The following ASPH variants were observed in gnomAD, a reference collection of about 807,000 sequenced individuals.
The protein encoded by ASPH is aspartate beta-hydroxylase.
ASPH carries 100 observed loss-of-function variants against 118.4 expected under a neutral mutation model. The observed-to-expected ratio is 0.84, with a 90% CI of 0.72 to 1.00. ASPH has a LOEUF of 1.00. Among genes scored for constraint, ASPH ranks in the 50% least tolerant of loss-of-function variants. The pLI is 0.00. For missense variants in ASPH, 920 were observed against 919.5 expected (o/e 1.00, Z -0.01); for synonymous variants, 315 against 325.6 (o/e 0.97, Z 0.35).
At chr8:61,664,328 GA>G (rs978820911) in intron 3 of ASPH, 16 of 972,704 alleles carry the variant, frequency 1.6e-5, no homozygotes, top group South Asian at 9.5e-5. Context: ...CAAAATAATG[GA>G]AAAAAAGTGT....
intron 18 of ASPH, among the ~76,000 whole-genome samples, chr8:61,558,180 G>A (rs939534549): frequency 1.3e-5 from 2 of 152,150 alleles, no homozygotes; most frequent in Admixed American, 6.5e-5. Flanking sequence ...AGATAGGCAC[G>A]AAGCATGCAG....
At chr8:61,540,620 T>C (rs943716381) in intron 21 of ASPH, among the ~76,000 whole-genome samples, 16 of 152,230 alleles carry the variant, frequency 1.1e-4, no homozygotes, top group Non-Finnish European at 2.4e-4. Flanking sequence ...GGTATTTCTT[T>C]ATAGCGATGC....
chr8:61,575,778 A>G (rs896697407), intron 16 of ASPH, among the ~76,000 whole-genome samples: 4 of 152,198 alleles, frequency 2.6e-5, no homozygotes, highest in African/African-American at 9.6e-5. Context: ...GCCAGTGCTC[A>G]GCCAGGAGAA....
At chr8:61,665,022 T>C (rs1454407915) in intron 3 of ASPH, 7 of 1,261,684 alleles carry the variant, frequency 5.5e-6, no homozygotes, top group Non-Finnish European at 7.0e-6. Flanking sequence ...GATCAATAAA[T>C]AGAAGTTATT....
intron 22 of ASPH, among the ~76,000 whole-genome samples, chr8:61,521,033 G>A (rs551150286): frequency 8.5e-5 from 13 of 152,208 alleles, no homozygotes; most frequent in African/African-American, 2.6e-4. Flanking sequence ...AACTCTTCAC[G>A]TCTGATCATG....
intron 16 of ASPH, among the ~76,000 whole-genome samples, chr8:61,575,105 G>A (rs1834705374): frequency 6.6e-6 from 1 of 152,114 alleles, no homozygotes; most frequent in Non-Finnish European, 1.5e-5. Context: ...TGTCTCCCCA[G>A]AGAGACCTTT....
intron 8 of ASPH, among the ~76,000 whole-genome samples, chr8:61,643,658 T>C (rs996991899): frequency 1.3e-5 from 2 of 152,244 alleles, no homozygotes; most frequent in Non-Finnish European, 2.9e-5. Flanking sequence ...GACTTTATAG[T>C]ACATCATACT....
chr8:61,663,412 T>TGGTC, intron 3 of ASPH: 1 of 985,306 alleles, frequency 1.0e-6, no homozygotes, highest in East Asian at 1.1e-4. Flanking sequence ...AACTAGAGAC[T>TGGTC]GGTCTGGAGC....
intron 1 of ASPH, among the ~76,000 whole-genome samples, chr8:61,688,032 G>C (rs997263505): frequency 2.6e-5 from 4 of 152,110 alleles, no homozygotes; most frequent in Non-Finnish European, 5.9e-5. Flanking sequence ...TAAATATGCT[G>C]TGCCTAGTCC....
intron 13 of ASPH, among the ~76,000 whole-genome samples, chr8:61,620,147 A>G (rs1167226370): frequency 1.3e-5 from 2 of 152,258 alleles, no homozygotes; most frequent in African/African-American, 2.4e-5. Context: ...GAGACTCTAC[A>G]TAAGAGGAAG....
chr8:61,623,932 CAT>C (rs1257264960), intron 13 of ASPH: 1 of 152,198 alleles, frequency 6.6e-6, no homozygotes, highest in African/African-American at 2.4e-5. Flanking sequence ...ATAAACATCA[CAT>C]GTTCTCACTA....
Position 61,628,323 on chromosome 8 carries a change from C to CTTTTTTTTTTTT in ASPH, c.934+5348_934+5359dup, listed in dbSNP as rs398008041. The CTTTTTTTTTTTT allele has an allele frequency of 6.2e-5, 11 of 178,002 alleles. No homozygotes were observed. In the African/African-American group the frequency reaches 6.3e-4, roughly 10 times the overall value. The allele number at this position is 178,002 out of a possible 1,614,324, so 11.0% of individuals were successfully genotyped here. On this transcript the variant is annotated intron_variant, in intron 13 of 24. Coordinates refer to ENST00000379454, the MANE Select transcript of ASPH (RefSeq NM_004318.4). ...TACAGGCACGTGACACCAAGCCCGG[C>CTTTTTTTTTTTT]TTTTTTTTTTTTTTTTTTTTTTTTT...
chr8:61,680,992 C>T lies in ASPH; in HGVS notation c.298G>A (p.Val100Met). The change falls in exon 3 of 25, where the codon GTG (valine) becomes ATG (methionine). Residue 100 changes from valine to methionine, a missense_variant. By Grantham distance (21) the Val-to-Met change is conservative. Transcript: ENST00000379454. The part of the protein sequence containing the change: ...YDADGDGDFD[V>M]DDAKVLLGLK... ...CCTAATAAAACTTTGGCATCATCCACATCAAAATCTCCATCACCATCAGCA... is the reference window on the plus strand; with the variant it reads ...CCTAATAAAACTTTGGCATCATCCATATCAAAATCTCCATCACCATCAGCA... 1 of 1,605,370 alleles carries T rather than the reference C, an allele frequency of 6.2e-7. No homozygotes were observed.
chr8:61,652,559 A>C (rs1291524480), intron 4 of ASPH, among the ~76,000 whole-genome samples: 1 of 152,222 alleles, frequency 6.6e-6, no homozygotes, highest in Non-Finnish European at 1.5e-5. Context: ...AAGGTAAAAA[A>C]GTAATAGTGG....
chr8:61,678,093 A>T (rs1042711894), intron 3 of ASPH, among the ~76,000 whole-genome samples: 10 of 152,046 alleles, frequency 6.6e-5, no homozygotes, highest in African/African-American at 2.4e-4. Flanking sequence ...CAGCTCACTC[A>T]TGCATCTATC....
chr8:61,704,218 A>G (rs1179992872), intron 1 of ASPH, among the ~76,000 whole-genome samples: 2 of 147,278 alleles, frequency 1.4e-5, no homozygotes, highest in African/African-American at 4.9e-5. Flanking sequence ...AAAAAAAAAA[A>G]AAAAAAAAAA....
chr8:61,569,362 A>T (rs974116105), intron 16 of ASPH, among the ~76,000 whole-genome samples: 2 of 151,564 alleles, frequency 1.3e-5, no homozygotes, highest in East Asian at 1.9e-4. Context: ...AGTAGCATAT[A>T]TTTTTTTTTC....
intron 24 of ASPH, among the ~76,000 whole-genome samples, chr8:61,503,816 C>T (rs1037085443): frequency 3.3e-5 from 5 of 152,200 alleles, no homozygotes; most frequent in African/African-American, 1.2e-4. Flanking sequence ...ACATGTCTTG[C>T]AATTATTCTG....
intron 21 of ASPH, among the ~76,000 whole-genome samples, chr8:61,528,294 T>C (rs1363828489): frequency 6.6e-6 from 1 of 152,062 alleles, no homozygotes; most frequent in Non-Finnish European, 1.5e-5. Context: ...CCCAAGACCA[T>C]GGAAAAGAAA....
Sources: gnomAD v4.1 joint callset for allele counts (sites outside exome capture counted in the v4.1 genomes callset) on GRCh38, gnomAD v4.1.1 for gene constraint, MANE v1.5 for transcripts, NCBI Gene and HGNC (gene_info 2026-07-23, HGNC 2026-07-21) for gene names.